HECTD4: variants seen among roughly 807,000 people sequenced by gnomAD.
HECTD4 encodes the protein HECT domain E3 ubiquitin protein ligase 4, also known as probable E3 ubiquitin-protein ligase HECTD4.
A neutral mutation model predicts 471.5 loss-of-function variants in HECTD4; 114 were observed. The ratio of observed to expected loss-of-function variants is 0.24; its 90% CI spans 0.21 to 0.28. The LOEUF is 0.28. Among genes scored for constraint, HECTD4 ranks in the 10% least tolerant of loss-of-function variants. The pLI is 1.00. For missense variants in HECTD4, 3,866 were observed against 5,651.5 expected, an observed-to-expected ratio of 0.68 and a Z score of 10.13; for synonymous variants, 2,012 against 2,256.0, an observed-to-expected ratio of 0.89 and a Z score of 3.07.
intron 7 of HECTD4, among the ~76,000 whole-genome samples, chr12:112,288,083 C>T (rs1295796791): frequency 6.6e-6 from 1 of 151,572 alleles, no homozygotes; most frequent in Admixed American, 6.6e-5. Context: ...AATCCCAGCA[C>T]TTTGGGAGGC....
In HECTD4 at chr12:112,212,568, G is replaced by A. The variant is rs752375119; in HGVS notation, c.7548C>T (p.Phe2516=). The change falls in exon 49 of 76, where the codon TTC becomes TTT. Residue 2516 remains phenylalanine (F), a synonymous_variant. Coordinates refer to ENST00000682272, the MANE Select transcript of HECTD4 (RefSeq NM_001388303.1). ...GTGAGAGGCGCTGCCCGCAGTATGTGAAGTACACCCGGCCCTTGGCTGGCT... is the reference window on the plus strand; with the variant it reads ...GTGAGAGGCGCTGCCCGCAGTATGTAAAGTACACCCGGCCCTTGGCTGGCT... ...PGQPAKGRVY[F]TYCGQRLSPY... 3.4e-5 allele frequency: 55 copies of A among 1,613,786 alleles called. No homozygotes were observed. Among genetic ancestry groups the A allele is most frequent in the Non-Finnish European group, 2.7e-5 (32 of 1,179,816 alleles).
chr12:112,189,133 T>C (rs1451648812), intron 60 of HECTD4, among the ~76,000 whole-genome samples: 2 of 152,164 alleles, frequency 1.3e-5, no homozygotes, highest in East Asian at 1.9e-4. Flanking sequence ...TGCTGGATCA[T>C]AGGTGTGAAC....
At chr12:112,220,976 G>A (rs1048509504) in intron 44 of HECTD4, among the ~76,000 whole-genome samples, 1 of 152,080 alleles carries the variant, frequency 6.6e-6, no homozygotes, top group Non-Finnish European at 1.5e-5. Flanking sequence ...TTGAGACAAG[G>A]TCTCTCGCTC....
chr12:112,338,643 G>C (rs1220332981), intron 1 of HECTD4, among the ~76,000 whole-genome samples: 1 of 151,878 alleles, frequency 6.6e-6, no homozygotes, highest in Non-Finnish European at 1.5e-5. Flanking sequence ...AAGAAAGAAA[G>C]AAAAAAGACA....
chr12:112,240,728 G>A (rs931188062), intron 32 of HECTD4, among the ~76,000 whole-genome samples: 4 of 152,154 alleles, frequency 2.6e-5, no homozygotes, highest in African/African-American at 9.7e-5. Context: ...TGGGATTACA[G>A]GCCTGAGCCA....
chr12:112,257,636 A>C (rs1325896765), intron 20 of HECTD4, among the ~76,000 whole-genome samples: 5 of 149,474 alleles, frequency 3.3e-5, no homozygotes. Context: ...GTATTTTGAG[A>C]TTATATAAAC....
intron 40 of HECTD4, 50 bp from the exon 41 acceptor site, chr12:112,229,930 T>C: frequency 6.6e-7 from 1 of 1,521,130 alleles, no homozygotes; most frequent in Admixed American, 2.0e-5. Context: ...TTGGTTGTTT[T>C]GATGCCAAGG....
At chr12:112,275,251 T>G (rs1461002478) in intron 9 of HECTD4, among the ~76,000 whole-genome samples, 1 of 152,234 alleles carries the variant, frequency 6.6e-6, no homozygotes, top group Non-Finnish European at 1.5e-5. Context: ...AAAGGGTAAC[T>G]GCAAGAGGGG....
At chr12:112,318,066 G>C (rs1250409338) in intron 2 of HECTD4, among the ~76,000 whole-genome samples, 1 of 151,680 alleles carries the variant, frequency 6.6e-6, no homozygotes, top group Non-Finnish European at 1.5e-5. Flanking sequence ...CTTGAGGTCA[G>C]GAATTTGAGA....
chr12:112,249,895 C>T (rs2033842427), intron 25 of HECTD4: 2 of 506,506 alleles, frequency 3.9e-6, no homozygotes, highest in African/African-American at 3.9e-5. Context: ...TCAATAGGTG[C>T]AAAATGGGGT....
At chr12:112,340,544 T>G (rs1035717346) in intron 1 of HECTD4, among the ~76,000 whole-genome samples, 2 of 152,164 alleles carry the variant, frequency 1.3e-5, no homozygotes, top group African/African-American at 4.8e-5. Context: ...GCTACTGGCA[T>G]CTAGTGGGTA....
In HECTD4 at chr12:112,256,466, C is replaced by T; in HGVS notation, c.3181G>A (p.Ala1061Thr). The change falls in exon 21 of 76, where the codon GCC becomes ACC. Residue 1061 changes from alanine to threonine, a missense_variant. Ala to Thr is a moderately conservative substitution (Grantham distance 58). This residue lies in a region of HECTD4 where 525 missense variants were observed against 672.6 expected (regional missense o/e 0.78). Coordinates refer to ENST00000682272, the MANE Select transcript of HECTD4 (RefSeq NM_001388303.1). ...PGFLTGLKIP[A>T]PWAAGKTVET... ...ACAGTCTTTCCAGCAGCCCATGGGG[C>T]AGGAATCTTTAAACCAGTGAGAAAT... 1 of 1,608,782 alleles carries T rather than the reference C, an allele frequency of 6.2e-7. No individual in the cohort carries two copies. The highest frequency in any genetic ancestry group is 8.5e-7 in the Non-Finnish European group (1 of 1,177,868).
Position 112,229,794 on chromosome 12 carries a change from T to C in HECTD4, c.6423A>G (p.Lys2141=). The C allele has an allele frequency of 6.2e-7, 1 of 1,614,034 alleles. No homozygotes were observed. Among genetic ancestry groups the C allele is most frequent in the Non-Finnish European group, 8.5e-7 (1 of 1,179,880 alleles). ...ILENGSSSGR[K]LAKLQRIARQ... is the part of the protein sequence containing the mutation. ...GTGCAATTCTCTGAAGTTTGGCAAG[T>C]TTCCTGCCACTGCTGCTGCCATTTT... Residue 2141 remains lysine, a synonymous_variant, in exon 41 of 76, where the codon AAA becomes AAG. Transcript: ENST00000682272.
rs371909701 is a variant in HECTD4, at chr12:112,184,882, T to G, written c.10084A>C (p.Ile3362Leu). ...LWFHRALTLL[I>L]ILRHLTRKDP... The stretch of plus-strand genomic sequence containing the variant: ...TTCCTGGTGAGGTGGCGGAGGATGA[T>G]GAGCAGGGTGAGTGCGCGGTGGAAC... The change falls in exon 61 of 76, where the codon ATC (isoleucine) becomes CTC (leucine). Residue 3362 changes from isoleucine to leucine, a missense_variant. This residue lies in a region of HECTD4 where 71 missense variants were observed against 144.5 expected (regional missense o/e 0.49). Coordinates refer to ENST00000682272, the MANE Select transcript of HECTD4 (RefSeq NM_001388303.1). The surrounding 1 kb of genome is among the most constrained non-coding windows in gnomAD (Gnocchi z 9.1). 1 of 1,609,694 alleles carries G rather than the reference T, an allele frequency of 6.2e-7. No homozygotes were observed. The highest frequency in any genetic ancestry group is 8.5e-7 in the Non-Finnish European group (1 of 1,176,876).
intron 60 of HECTD4, among the ~76,000 whole-genome samples, chr12:112,186,953 C>A (rs2031888432): frequency 6.6e-6 from 1 of 150,922 alleles, no homozygotes; most frequent in South Asian, 2.1e-4. Context: ...CAGATGTGAG[C>A]CACTGTACCT....
chr12:112,342,799 A>T (rs1228735552), intron 1 of HECTD4, among the ~76,000 whole-genome samples: 1 of 152,208 alleles, frequency 6.6e-6, no homozygotes, highest in Non-Finnish European at 1.5e-5. Flanking sequence ...ATCTTCTGTG[A>T]TGTCACAAGA....
intron 1 of HECTD4, among the ~76,000 whole-genome samples, chr12:112,341,295 T>C (rs1044786931): frequency 2.6e-5 from 4 of 152,150 alleles, no homozygotes; most frequent in Admixed American, 2.6e-4. Flanking sequence ...CACTTCCAAA[T>C]GCACTCCCAG....
At position 112,160,945 on chromosome 12, in the gene HECTD4, C is replaced by T. The variant is rs1311739605; in HGVS notation, c.*1442G>A. ...CGATTTCATCCTTAGGTCAGGGGAT[C>T]CTTTCTATAATGGTCCTTGATGCAT... On this transcript the variant is annotated 3_prime_UTR_variant, in exon 76 of 76. Coordinates refer to ENST00000682272, the MANE Select transcript of HECTD4 (RefSeq NM_001388303.1). The T allele has an allele frequency of 6.6e-6, 1 of 152,094 alleles. No individual in the cohort carries two copies. Among genetic ancestry groups the T allele is most frequent in the African/African-American group, 2.4e-5 (1 of 41,404 alleles). 9.4% of individuals were successfully genotyped at this position (152,094 alleles called of 1,614,324 possible).
At chr12:112,230,585 T>G (rs2135566124) in intron 40 of HECTD4, 102 bp downstream of exon 40, 1 of 1,400,240 alleles carries the variant, frequency 7.1e-7, no homozygotes, top group Non-Finnish European at 9.5e-7. Context: ...TCTGATGAAT[T>G]TGGAAAATTT....
Sources: allele counts gnomAD v4.1 joint callset (sites outside exome capture counted in the v4.1 genomes callset), GRCh38; gene constraint gnomAD v4.1.1; regional missense constraint gnomAD v4.1.1; non-coding constraint Gnocchi (gnomAD v3.1); transcripts MANE v1.5; gene names NCBI Gene and HGNC (gene_info 2026-07-23, HGNC 2026-07-21).